Variants in METTL16 observed in about 807,000 individuals in gnomAD.
METTL16 encodes methyltransferase 16, RNA N6-adenosine.
A neutral mutation model predicts 57.9 loss-of-function variants in METTL16; 19 were observed. That is an observed-to-expected ratio of 0.33 (90% CI 0.23 to 0.48). The LOEUF (loss-of-function observed/expected upper bound fraction) is 0.48, where lower values mean the gene tolerates loss of function less well. Among genes scored for constraint, METTL16 ranks in the 20% least tolerant of loss-of-function variants. The pLI is 0.99. For missense variants in METTL16, 434 were observed against 691.5 expected, an observed-to-expected ratio of 0.63 and a Z score of 4.18; for synonymous variants, 246 against 255.6, an observed-to-expected ratio of 0.96 and a Z score of 0.36.
At chr17:2,471,574 G>A (rs545170404) in intron 4 of METTL16, among the ~76,000 whole-genome samples, 318 of 152,218 alleles carry the variant, frequency 2.1e-3, no homozygotes, top group African/African-American at 4.7e-3. Context: ...CAGATCACGA[G>A]GTCAGGAGAT....
intron 1 of METTL16, among the ~76,000 whole-genome samples, chr17:2,508,500 CCTT>C (rs1327454049): frequency 1.3e-5 from 2 of 152,146 alleles, no homozygotes. Flanking sequence ...ATCTTCAACA[CCTT>C]CTCCATGCTG....
chr17:2,466,284 G>A (rs9898467), intron 5 of METTL16, among the ~76,000 whole-genome samples: 4,237 of 151,628 alleles, frequency 0.028, 211 homozygotes, highest in African/African-American at 0.097. Context: ...ACTATGACCT[G>A]AGTTGGTCCA....
chr17:2,458,366 G>C (rs1170007813), intron 6 of METTL16, among the ~76,000 whole-genome samples: 1 of 151,242 alleles, frequency 6.6e-6, no homozygotes, highest in Non-Finnish European at 1.5e-5. Context: ...CCAATGACAA[G>C]AGAGAATCCA....
At chr17:2,495,187 C>G (rs1313516392) in intron 2 of METTL16, among the ~76,000 whole-genome samples, 1 of 151,686 alleles carries the variant, frequency 6.6e-6, no homozygotes, top group Non-Finnish European at 1.5e-5. Flanking sequence ...AAAAAATTAG[C>G]TGGGTGTGGC....
At chr17:2,503,950 A>G (rs948859959) in intron 1 of METTL16, among the ~76,000 whole-genome samples, 7 of 152,198 alleles carry the variant, frequency 4.6e-5, no homozygotes, top group African/African-American at 1.7e-4. Flanking sequence ...CATACAATAC[A>G]TATGATCAAC....
At chr17:2,510,873 A>G (rs1276581179) in intron 1 of METTL16, among the ~76,000 whole-genome samples, 1 of 152,082 alleles carries the variant, frequency 6.6e-6, no homozygotes, top group Middle Eastern at 3.2e-3. Flanking sequence ...TTTGCTACCC[A>G]GGCTCTAGCT....
intron 2 of METTL16, among the ~76,000 whole-genome samples, chr17:2,483,956 G>A (rs1183402176): frequency 6.6e-6 from 1 of 152,190 alleles, no homozygotes; most frequent in Non-Finnish European, 1.5e-5. Flanking sequence ...GAGAATGGTA[G>A]CCTGACCTAT....
At chr17:2,438,616 C>T (rs1407427692) in intron 7 of METTL16, among the ~76,000 whole-genome samples, 1 of 152,190 alleles carries the variant, frequency 6.6e-6, no homozygotes, top group East Asian at 1.9e-4. Flanking sequence ...ATTCTCCTGC[C>T]TCAGCCTCCC....
At chr17:2,441,406 T>A in intron 7 of METTL16, 84 bp downstream of exon 7, 1 of 933,552 alleles carries the variant, frequency 1.1e-6, no homozygotes, top group South Asian at 2.0e-5. Context: ...CACAATGCAA[T>A]ATATCAATGT....
chr17:2,456,228 G>A (rs1470869208), intron 6 of METTL16, among the ~76,000 whole-genome samples: 1 of 152,062 alleles, frequency 6.6e-6, no homozygotes, highest in African/African-American at 2.4e-5. Flanking sequence ...TATCTGTGTA[G>A]GAAGCTGAGG....
At chr17:2,438,536 T>C (rs868314660) in intron 7 of METTL16, among the ~76,000 whole-genome samples, 19 of 152,298 alleles carry the variant, frequency 1.2e-4, no homozygotes, top group Middle Eastern at 6.8e-3. Context: ...AGAGTCTTGC[T>C]CTGTCACCCA....
chr17:2,465,731 T>C (rs1457864978), intron 5 of METTL16, among the ~76,000 whole-genome samples: 1 of 150,826 alleles, frequency 6.6e-6, no homozygotes, highest in Non-Finnish European at 1.5e-5. Context: ...CCACACGCGG[T>C]GGTGTCCACC....
chr17:2,448,806 A>ATTTT (rs1331751976), intron 6 of METTL16, among the ~76,000 whole-genome samples: 3 of 117,992 alleles, frequency 2.5e-5, no homozygotes, highest in Non-Finnish European at 3.7e-5. Flanking sequence ...AAAATTTAAA[A>ATTTT]AAAAAAAAAA....
intron 2 of METTL16, among the ~76,000 whole-genome samples, chr17:2,492,409 T>C (rs1356014160): frequency 1.3e-5 from 2 of 151,978 alleles, no homozygotes; most frequent in East Asian, 1.9e-4. Context: ...AAATAAGATA[T>C]CAGAGTAGCA....
At chr17:2,498,035 A>G (rs1246057344) in intron 2 of METTL16, among the ~76,000 whole-genome samples, 1 of 151,648 alleles carries the variant, frequency 6.6e-6, no homozygotes, top group East Asian at 1.9e-4. Context: ...TCTACTAAAA[A>G]TACAAAAAAT....
At chr17:2,511,295 A>G (rs1187240250) in intron 1 of METTL16, among the ~76,000 whole-genome samples, 2 of 148,638 alleles carry the variant, frequency 1.3e-5, no homozygotes, top group African/African-American at 5.0e-5. Context: ...TTCAACTACC[A>G]CTCTCTTGAT....
At chr17:2,474,700 C>T (rs1376190551) in intron 3 of METTL16, among the ~76,000 whole-genome samples, 3 of 152,262 alleles carry the variant, frequency 2.0e-5, no homozygotes, top group African/African-American at 7.2e-5. Flanking sequence ...CCGAGGCAGG[C>T]GGACCACCTG....
intron 6 of METTL16, among the ~76,000 whole-genome samples, chr17:2,458,712 A>T (rs1404490663): frequency 6.6e-6 from 1 of 152,130 alleles, no homozygotes; most frequent in Non-Finnish European, 1.5e-5. Flanking sequence ...ACTCTGACAC[A>T]CACACACATA....
chr17:2,444,275 C>A (rs1191973215), intron 6 of METTL16, among the ~76,000 whole-genome samples: 1 of 151,946 alleles, frequency 6.6e-6, no homozygotes, highest in Non-Finnish European at 1.5e-5. Context: ...CATGGTGAAA[C>A]CCTGCCTCTG....
Sources: allele counts gnomAD v4.1 joint callset (sites outside exome capture counted in the v4.1 genomes callset), GRCh38; gene constraint gnomAD v4.1.1; transcripts MANE v1.5; gene names NCBI Gene and HGNC (gene_info 2026-07-23, HGNC 2026-07-21).